The following PRELID2 variants were observed in gnomAD, a reference collection of about 807,000 sequenced individuals.
PRELID2 encodes PRELI domain containing 2, also known as PRELI domain-containing protein 2.
In PRELID2, 25 loss-of-function variants were observed where a neutral mutation model predicts 28.4. That is an observed-to-expected ratio of 0.88 (90% CI 0.64 to 1.23). The LOEUF is 1.23. Ranked by LOEUF, PRELID2 falls within the 50% of genes most tolerant of loss-of-function variation. The pLI is 0.00. For missense variants in PRELID2, 201 were observed against 214.4 expected, an observed-to-expected ratio of 0.94 and a Z score of 0.39; for synonymous variants, 76 against 71.6, an observed-to-expected ratio of 1.06 and a Z score of -0.31.
chr5:145,637,811 T>C (rs1180878060), intron 1 of PRELID2, among the ~76,000 whole-genome samples: 1 of 83,142 alleles, frequency 1.2e-5, no homozygotes, highest in African/African-American at 1.2e-4. Flanking sequence ...AAAACCATTC[T>C]TTTTTTTTTT....
the PRELID2 span, among the ~76,000 whole-genome samples, chr5:145,320,126 T>C: frequency 2.6e-5 from 4 of 152,256 alleles, no homozygotes; most frequent in African/African-American, 4.8e-5. Context: ...CCATTTAGTC[T>C]GGCTACACAC....
At chr5:145,493,918 A>G (rs1380805138) in intron 1 of PRELID2, among the ~76,000 whole-genome samples, 4 of 152,182 alleles carry the variant, frequency 2.6e-5, no homozygotes, top group African/African-American at 9.7e-5. Flanking sequence ...ACTATATGTC[A>G]GATGCTTTCA....
chr5:145,748,355 G>T (rs1015203549), intron 1 of PRELID2, among the ~76,000 whole-genome samples: 1 of 152,114 alleles, frequency 6.6e-6, no homozygotes, highest in Non-Finnish European at 1.5e-5. Context: ...GCCAAATCAT[G>T]AATGAACTCC....
At chr5:145,391,376 A>C in the PRELID2 span, among the ~76,000 whole-genome samples, 1 of 152,212 alleles carries the variant, frequency 6.6e-6, no homozygotes. Context: ...CAATGGCCTG[A>C]GCTGTATGTT....
At chr5:145,427,502 G>A in the PRELID2 span, among the ~76,000 whole-genome samples, 2 of 152,164 alleles carry the variant, frequency 1.3e-5, no homozygotes, top group Admixed American at 1.3e-4. Context: ...GGAGAGCGCA[G>A]AATCAGTGAT....
chr5:145,253,442 T>C, the PRELID2 span, among the ~76,000 whole-genome samples: 1 of 152,126 alleles, frequency 6.6e-6, no homozygotes, highest in Admixed American at 6.6e-5. Context: ...CTAGAGGCCA[T>C]ACCCATAGTA....
At chr5:145,529,696 A>T (rs1181714023) in intron 1 of PRELID2, among the ~76,000 whole-genome samples, 1 of 152,140 alleles carries the variant, frequency 6.6e-6, no homozygotes, top group African/African-American at 2.4e-5. Flanking sequence ...ACAGATACAA[A>T]CAGTAAACAC....
At chr5:145,689,986 C>CT (rs749912789) in intron 1 of PRELID2, among the ~76,000 whole-genome samples, 1,766 of 114,870 alleles carry the variant, frequency 0.015, 16 homozygotes, top group African/African-American at 0.018. Context: ...CTGTGGGGGT[C>CT]TTTTTTTTTT....
intron 1 of PRELID2, among the ~76,000 whole-genome samples, chr5:145,487,854 G>A (rs1471366964): frequency 4.6e-5 from 7 of 151,774 alleles, no homozygotes; most frequent in African/African-American, 1.2e-4. Context: ...GGCCGGGCGC[G>A]TGGCTCATGC....
intron 5 of PRELID2, among the ~76,000 whole-genome samples, chr5:145,781,725 A>C (rs976529435): frequency 4.1e-5 from 6 of 146,330 alleles, no homozygotes; most frequent in South Asian, 2.1e-4. Context: ...CACACTATAT[A>C]TATATACTAT....
the PRELID2 span, among the ~76,000 whole-genome samples, chr5:145,345,115 G>A: frequency 1.3e-5 from 2 of 151,960 alleles, no homozygotes; most frequent in Non-Finnish European, 2.9e-5. Flanking sequence ...TTTTACTCCA[G>A]CACTTTTCTG....
At chr5:145,657,545 C>T (rs554234522) in intron 1 of PRELID2, among the ~76,000 whole-genome samples, 4 of 152,052 alleles carry the variant, frequency 2.6e-5, no homozygotes, top group African/African-American at 7.2e-5. Context: ...ATTAGCCGGG[C>T]GTGGTGGCAC....
chr5:145,651,807 A>C (rs1001305386), intron 1 of PRELID2, among the ~76,000 whole-genome samples: 1 of 152,224 alleles, frequency 6.6e-6, no homozygotes, highest in South Asian at 2.1e-4. Context: ...ATGGGGAAAA[A>C]ACAGAGCAGA....
chr5:145,665,534 C>T (rs2149679787), intron 1 of PRELID2, among the ~76,000 whole-genome samples: 1 of 152,256 alleles, frequency 6.6e-6, no homozygotes, highest in South Asian at 2.1e-4. Context: ...ATTTAACACT[C>T]ATATCTAATC....
chr5:145,422,411 G>A, the PRELID2 span, among the ~76,000 whole-genome samples: 1 of 152,162 alleles, frequency 6.6e-6, no homozygotes, highest in Admixed American at 6.6e-5. Flanking sequence ...GTGAATCTTG[G>A]TGCTCCTGTA....
chr5:145,419,252 G>C, the PRELID2 span, among the ~76,000 whole-genome samples: 5 of 143,548 alleles, frequency 3.5e-5, no homozygotes, highest in Admixed American at 3.6e-4. Context: ...CCCAGTAATG[G>C]GATGGCTGGG....
At chr5:145,741,161 T>C (rs1756709601) in intron 1 of PRELID2, among the ~76,000 whole-genome samples, 2 of 114,792 alleles carry the variant, frequency 1.7e-5, no homozygotes, top group South Asian at 2.7e-4. Flanking sequence ...GTAAAATATA[T>C]AAATATATAT....
At chr5:145,814,963 C>A (rs1328193624) in intron 4 of PRELID2, among the ~76,000 whole-genome samples, 1 of 152,226 alleles carries the variant, frequency 6.6e-6, no homozygotes, top group Non-Finnish European at 1.5e-5. Flanking sequence ...GGCAAAGTGA[C>A]AGAATCTGTA....
At chr5:145,585,691 G>A (rs933813107) in intron 1 of PRELID2, among the ~76,000 whole-genome samples, 1 of 152,046 alleles carries the variant, frequency 6.6e-6, no homozygotes, top group Non-Finnish European at 1.5e-5. Context: ...ACTAAAAACA[G>A]GTTAACCAAG....
Sources: allele counts gnomAD v4.1 joint callset (sites outside exome capture counted in the v4.1 genomes callset), GRCh38; gene constraint gnomAD v4.1.1; transcripts MANE v1.5; gene names NCBI Gene and HGNC (gene_info 2026-07-23, HGNC 2026-07-21).